CTNNA2: variants seen among roughly 807,000 people sequenced by gnomAD.
CTNNA2 encodes catenin alpha-2.
In CTNNA2, 42 loss-of-function variants were observed where a neutral mutation model predicts 101.0. The observed-to-expected ratio is 0.42, with a 90% CI of 0.32 to 0.54. The LOEUF is 0.54. Ranked by LOEUF, CTNNA2 falls within the 20% of genes least tolerant of loss-of-function variation. The probability of loss-of-function intolerance (pLI) is 0.14; values close to 1 mark genes in which losing one functional copy is unlikely to be tolerated. For missense variants in CTNNA2, 871 were observed against 1,223.1 expected, an observed-to-expected ratio of 0.71 and a Z score of 4.29; for synonymous variants, 450 against 456.4, an observed-to-expected ratio of 0.99 and a Z score of 0.18.
intron 4 of CTNNA2, among the ~76,000 whole-genome samples, chr2:79,424,121 C>A (rs957697568): frequency 1.3e-5 from 2 of 152,054 alleles, no homozygotes; most frequent in Non-Finnish European, 2.9e-5. Context: ...AGATCATGGG[C>A]GGTGAGGGAC....
intron 2 of CTNNA2, among the ~76,000 whole-genome samples, chr2:79,710,024 A>G (rs1049432261): frequency 7.9e-5 from 12 of 152,118 alleles, no homozygotes; most frequent in Non-Finnish European, 1.5e-4. Context: ...ATTTTTCCCC[A>G]GAGTAGAGCT....
chr2:79,918,103 T>C (rs1345798682), intron 7 of CTNNA2, among the ~76,000 whole-genome samples: 3 of 152,086 alleles, frequency 2.0e-5, no homozygotes, highest in African/African-American at 7.2e-5. Flanking sequence ...GAAAAAACAG[T>C]ATTGAACAAT....
chr2:79,607,109 A>T (rs1209167301), intron 1 of CTNNA2, among the ~76,000 whole-genome samples: 1 of 152,190 alleles, frequency 6.6e-6, no homozygotes, highest in Non-Finnish European at 1.5e-5. Context: ...TGATAACACC[A>T]AAGGAAAATT....
In CTNNA2 at chr2:80,547,690, C is replaced by CTTTTTTTTTTTTTTTTTTTTTTTTTTT. The variant is rs61186189; in HGVS notation, c.1540+1643_1540+1644insTTTTTTTTTTTTTTTTTTTTTTTTTTT. On this transcript the variant is annotated intron_variant, in intron 11 of 18. Coordinates refer to ENST00000402739, the MANE Select transcript of CTNNA2 (RefSeq NM_001282597.3). ...AGAACTCAATATATTGTCACTTCTGCTTTTTTTTTTTTTTTTGAGATGGAG... is the reference window on the plus strand; with the variant it reads ...AGAACTCAATATATTGTCACTTCTGCTTTTTTTTTTTTTTTTTTTTTTTTTTTTTTTTTTTTTTTTTTTGAGATGGAG... Among the ~76,000 whole-genome samples the CTTTTTTTTTTTTTTTTTTTTTTTTTTT allele has an allele frequency of 4.0e-5, 5 of 124,314 alleles. 1 individual carries two copies. The highest frequency in any genetic ancestry group is 1.0e-4 in the African/African-American group (3 of 29,340). 81.6% of individuals were successfully genotyped at this position (124,314 alleles called of 152,430 possible).
intron 7 of CTNNA2, among the ~76,000 whole-genome samples, chr2:80,203,487 A>G (rs1707339218): frequency 6.6e-6 from 1 of 152,252 alleles, no homozygotes; most frequent in Admixed American, 6.5e-5. Context: ...GAAATCCAGC[A>G]GGGTAGTTAA....
In CTNNA2 at chr2:79,779,042, A is replaced by T. The variant is rs118168051; in HGVS notation, c.298+34460A>T. Reference sequence around the variant, plus strand: ...TAGAAAATATTTATTTATTCCAGCCAAGGGAAGGCTCATTTGCCAAATTAG... The same window carrying T: ...TAGAAAATATTTATTTATTCCAGCCTAGGGAAGGCTCATTTGCCAAATTAG... On this transcript the variant is annotated intron_variant, in intron 3 of 18. Coordinates refer to ENST00000402739, the MANE Select transcript of CTNNA2 (RefSeq NM_001282597.3). Among the ~76,000 whole-genome samples the T allele has an allele frequency of 7.2e-4, 109 of 152,302 alleles. 1 individual carries two copies. In the East Asian group the frequency reaches 0.018, roughly 25 times the overall value.
intron 1 of CTNNA2, among the ~76,000 whole-genome samples, chr2:79,628,256 A>G (rs573504720): frequency 3.7e-4 from 57 of 152,280 alleles, no homozygotes; most frequent in African/African-American, 1.1e-3. Context: ...GTTTCAGACC[A>G]TCCTGGCCAA....
chr2:79,470,553 G>T (rs910272659), intron 4 of CTNNA2, among the ~76,000 whole-genome samples: 1 of 152,166 alleles, frequency 6.6e-6, no homozygotes, highest in Non-Finnish European at 1.5e-5. Flanking sequence ...TTTAGGAAAT[G>T]TCCATCTTGA....
intron 3 of CTNNA2, among the ~76,000 whole-genome samples, chr2:79,851,737 C>CTTTTTTT (rs11399192): frequency 6.0e-4 from 52 of 87,126 alleles, no homozygotes; most frequent in East Asian, 1.2e-3. Flanking sequence ...TTTTCTTTTC[C>CTTTTTTT]TTTTTTTTTT....
chr2:79,881,116 G>A (rs1462263697), intron 6 of CTNNA2, among the ~76,000 whole-genome samples: 1 of 152,128 alleles, frequency 6.6e-6, no homozygotes, highest in African/African-American at 2.4e-5. Flanking sequence ...CCATGTGATT[G>A]CATGGTTTTG....
intron 1 of CTNNA2, among the ~76,000 whole-genome samples, chr2:79,627,317 G>A (rs2104330921): frequency 6.6e-6 from 1 of 152,314 alleles, no homozygotes; most frequent in East Asian, 1.9e-4. Context: ...ACGAATCCAG[G>A]GAGTGAAGAA....
chr2:79,823,250 G>A (rs2105388343), intron 3 of CTNNA2, among the ~76,000 whole-genome samples: 1 of 152,228 alleles, frequency 6.6e-6, no homozygotes, highest in African/African-American at 2.4e-5. Flanking sequence ...CATTACCCAG[G>A]TATAGGTTAT....
At chr2:80,404,182 T>C (rs761855231) in intron 8 of CTNNA2, among the ~76,000 whole-genome samples, 22 of 152,188 alleles carry the variant, frequency 1.4e-4, no homozygotes, top group Non-Finnish European at 2.9e-4. Flanking sequence ...TCTAGTTTAT[T>C]TGCATAGGTG....
intron 15 of CTNNA2, among the ~76,000 whole-genome samples, chr2:80,591,274 T>G (rs888140249): frequency 5.9e-5 from 9 of 152,044 alleles, no homozygotes; most frequent in East Asian, 1.9e-4. Context: ...ATTTAAATAA[T>G]GAAATGTCTA....
intron 1 of CTNNA2, among the ~76,000 whole-genome samples, chr2:79,556,770 C>G (rs1035453939): frequency 6.6e-6 from 1 of 151,928 alleles, no homozygotes; most frequent in Admixed American, 6.6e-5. Flanking sequence ...GTAACCTCTT[C>G]GAGTCTCAGT....
At chr2:80,277,510 A>G (rs1371155331) in intron 7 of CTNNA2, among the ~76,000 whole-genome samples, 2 of 147,806 alleles carry the variant, frequency 1.4e-5, no homozygotes, top group Admixed American at 6.8e-5. Context: ...AGTTCAGGGA[A>G]AAAGAGCTCA....
chr2:79,623,860 T>A (rs1297404989), intron 1 of CTNNA2, among the ~76,000 whole-genome samples: 1 of 152,208 alleles, frequency 6.6e-6, no homozygotes, highest in Admixed American at 6.5e-5. Context: ...TTGTTTCAAA[T>A]ATTATAGTAA....
rs764111482 is a variant in CTNNA2 at position 79,858,114 on chromosome 2, G to A, written c.400G>A (p.Val134Met). 2 of 1,614,122 alleles carry A rather than the reference G, an allele frequency of 1.2e-6. No individual in the cohort carries two copies. The highest frequency in any genetic ancestry group is 1.7e-6 in the Non-Finnish European group (2 of 1,179,990). ...VRAARALLSA[V>M]TRLLILADMA... ...GGCGGCAAGGGCTTTGCTCTCCGCGGTGACACGCTTACTCATCCTGGCGGA... is the reference window on the plus strand; with the variant it reads ...GGCGGCAAGGGCTTTGCTCTCCGCGATGACACGCTTACTCATCCTGGCGGA... The change falls in exon 4 of 19, where the codon GTG (valine) becomes ATG (methionine). Residue 134 changes from valine to methionine, a missense_variant. Around this residue, in one of 5 missense-constraint regions of CTNNA2, gnomAD observed 647 missense variants for 831.5 expected, o/e 0.78. Transcript: ENST00000402739.
intron 2 of CTNNA2, among the ~76,000 whole-genome samples, chr2:79,278,353 G>A (rs1239794322): frequency 2.0e-5 from 3 of 152,060 alleles, no homozygotes; most frequent in Non-Finnish European, 2.9e-5. Flanking sequence ...GGAAGAAGGA[G>A]CGAGCATGGT....
Sources: gnomAD v4.1 joint callset for allele counts (sites outside exome capture counted in the v4.1 genomes callset) on GRCh38, gnomAD v4.1.1 for gene constraint, gnomAD v4.1.1 regional missense constraint, MANE v1.5 for transcripts, NCBI Gene and HGNC (gene_info 2026-07-23, HGNC 2026-07-21) for gene names.